AGTPBP1: variants seen among roughly 807,000 people sequenced by gnomAD.
AGTPBP1 encodes the protein ATP/GTP binding carboxypeptidase 1.
A neutral mutation model predicts 143.9 loss-of-function variants in AGTPBP1; 70 were observed. The observed-to-expected ratio is 0.49, with a 90% CI of 0.40 to 0.59. The LOEUF is 0.59. Ranked by LOEUF, AGTPBP1 falls within the 20% of genes least tolerant of loss-of-function variation. AGTPBP1 has a pLI of 0.00. For synonymous variants in AGTPBP1, 463 were observed against 500.2 expected (o/e 0.93, Z 0.99); for missense variants, 1,229 against 1,464.5 (o/e 0.84, Z 2.62).
the AGTPBP1 span, among the ~76,000 whole-genome samples, chr9:85,782,611 G>A: frequency 6.6e-6 from 1 of 152,168 alleles, no homozygotes; most frequent in African/African-American, 2.4e-5. Context: ...ATAGGCTGGG[G>A]TCTGCTAACT....
At chr9:85,747,888 T>C in the AGTPBP1 span, among the ~76,000 whole-genome samples, 1 of 152,210 alleles carries the variant, frequency 6.6e-6, no homozygotes, top group East Asian at 1.9e-4. Context: ...CAAGCAATAC[T>C]TTGCTAAGCA....
At chr9:85,567,420 G>GT (rs1279647033) in intron 25 of AGTPBP1, among the ~76,000 whole-genome samples, 1 of 151,990 alleles carries the variant, frequency 6.6e-6, no homozygotes, top group Non-Finnish European at 1.5e-5. Context: ...GTGAAGCCCC[G>GT]TATCTACTAA....
chr9:85,748,496 C>T, the AGTPBP1 span, among the ~76,000 whole-genome samples: 1 of 152,324 alleles, frequency 6.6e-6, no homozygotes, highest in East Asian at 1.9e-4. Flanking sequence ...GCTCCAGCCT[C>T]TCCCCTAGGT....
the AGTPBP1 span, among the ~76,000 whole-genome samples, chr9:85,778,679 C>T: frequency 2.0e-5 from 3 of 152,188 alleles, no homozygotes; most frequent in Non-Finnish European, 4.4e-5. Flanking sequence ...GTGCCTCTTT[C>T]TTGGTTGTAG....
chr9:85,744,944 C>T (rs1588024413), upstream of AGTPBP1, among the ~76,000 whole-genome samples: 1 of 152,362 alleles, frequency 6.6e-6, no homozygotes, highest in East Asian at 1.9e-4. Flanking sequence ...CTTTCCACAG[C>T]TTCTTCAATA....
chr9:85,764,796 G>GT, the AGTPBP1 span: 2 of 1,319,254 alleles, frequency 1.5e-6, no homozygotes, highest in Non-Finnish European at 2.2e-6. Context: ...CTCCAGACCA[G>GT]TACAGCTGAG....
the AGTPBP1 span, among the ~76,000 whole-genome samples, chr9:85,801,723 G>A: frequency 1.3e-5 from 2 of 152,140 alleles, no homozygotes; most frequent in Non-Finnish European, 2.9e-5. Flanking sequence ...AACATAAAAC[G>A]TAAAAGCATC....
chr9:85,562,621 C>A lies in AGTPBP1; in HGVS notation c.3503+12694G>T, dbSNP rs139029720. Among the ~76,000 whole-genome samples the A allele has an allele frequency of 2.1e-4, 32 of 152,208 alleles. No homozygotes were observed. The South Asian group carries it at 2.5e-3, about 12-fold the overall frequency. On this transcript the variant is annotated intron_variant, in intron 25 of 25. Transcript: ENST00000357081. ...TTTATAAAACTAAATTTATCTTTCA[C>A]CAAAGCAATGGTGTAGAAACTAAAT...
At chr9:85,675,050 C>T (rs1483842170) in intron 6 of AGTPBP1, among the ~76,000 whole-genome samples, 1 of 152,048 alleles carries the variant, frequency 6.6e-6, no homozygotes, top group African/African-American at 2.4e-5. Context: ...GTAGGCGCCA[C>T]CATGCCTGGC....
At chr9:85,597,901 GTTCT>G (rs938170731) in intron 17 of AGTPBP1, among the ~76,000 whole-genome samples, 3 of 152,058 alleles carry the variant, frequency 2.0e-5, no homozygotes, top group African/African-American at 4.8e-5. Flanking sequence ...TTCCATCTAA[GTTCT>G]TAAGATGATC....
chr9:85,634,917 G>T (rs1460203787), intron 13 of AGTPBP1, among the ~76,000 whole-genome samples: 1 of 151,882 alleles, frequency 6.6e-6, no homozygotes, highest in Non-Finnish European at 1.5e-5. Context: ...TATTTCAACT[G>T]CTCTCTTCTT....
intron 11 of AGTPBP1, among the ~76,000 whole-genome samples, chr9:85,647,006 A>G (rs529740445): frequency 2.3e-4 from 35 of 152,260 alleles, no homozygotes; most frequent in Non-Finnish European, 4.7e-4. Context: ...GGTCAGGCGC[A>G]GTGGCTCACG....
At chr9:85,706,594 G>A (rs1227797167) in intron 2 of AGTPBP1, among the ~76,000 whole-genome samples, 1 of 152,030 alleles carries the variant, frequency 6.6e-6, no homozygotes, top group Admixed American at 6.6e-5. Context: ...TCTAGGGCCA[G>A]GCACAGTGGC....
At chr9:85,738,056 G>GTTTT (rs1429193217) in intron 1 of AGTPBP1, among the ~76,000 whole-genome samples, 1 of 151,884 alleles carries the variant, frequency 6.6e-6, no homozygotes, top group African/African-American at 2.4e-5. Context: ...CTTATTTTTT[G>GTTTT]TTTTAAAAAA....
intron 1 of AGTPBP1, among the ~76,000 whole-genome samples, chr9:85,716,337 T>C (rs1837704978): frequency 1.3e-5 from 2 of 152,234 alleles, no homozygotes; most frequent in African/African-American, 4.8e-5. Flanking sequence ...GCCCAGGGCT[T>C]AGTCCTTTCT....
intron 25 of AGTPBP1, among the ~76,000 whole-genome samples, chr9:85,567,827 C>G (rs1827206644): frequency 2.6e-5 from 4 of 152,002 alleles, no homozygotes; most frequent in Admixed American, 2.6e-4. Flanking sequence ...TACAGGAATT[C>G]TAGAAGAACA....
chr9:85,564,885 G>C (rs1196712585), intron 25 of AGTPBP1, among the ~76,000 whole-genome samples: 1 of 152,194 alleles, frequency 6.6e-6, no homozygotes, highest in Non-Finnish European at 1.5e-5. Flanking sequence ...TATTGAGATG[G>C]AAATGATGTA....
At chr9:85,771,171 A>G in the AGTPBP1 span, among the ~76,000 whole-genome samples, 3 of 152,212 alleles carry the variant, frequency 2.0e-5, no homozygotes, top group Non-Finnish European at 4.4e-5. Context: ...GGAATATCAG[A>G]CAATCAATGA....
chr9:85,740,433 CTTA>C (rs892480165), intron 1 of AGTPBP1, among the ~76,000 whole-genome samples: 2 of 152,166 alleles, frequency 1.3e-5, no homozygotes, highest in Admixed American at 1.3e-4. Context: ...TAAGGCACGA[CTTA>C]TTATTTCGCA....
Sources: gnomAD v4.1 joint callset for allele counts (sites outside exome capture counted in the v4.1 genomes callset) on GRCh38, gnomAD v4.1.1 for gene constraint, MANE v1.5 for transcripts, NCBI Gene and HGNC (gene_info 2026-07-23, HGNC 2026-07-21) for gene names.